Variants in RREB1 observed in about 807,000 individuals in gnomAD.
The protein encoded by RREB1 is ras-responsive element-binding protein 1.
Under a neutral mutation model 117.8 loss-of-function variants are expected in RREB1, and 27 were observed. The observed-to-expected ratio is 0.23, with a 90% confidence interval of 0.17 to 0.32. RREB1 has a LOEUF of 0.32. RREB1 is among the 10% of genes least tolerant of loss of function. The pLI is 1.00. For synonymous variants in RREB1, 1,298 were observed against 1,026.7 expected (o/e 1.26, Z -5.05); for missense variants, 2,577 against 2,378.2 (o/e 1.08, Z -1.74).
rs1420587358 is a variant in RREB1 at position 7,250,666 on chromosome 6, C to G, written c.*1698C>G. 1 of 152,132 alleles carries G rather than the reference C, an allele frequency of 6.6e-6. No homozygotes were observed. The highest frequency in any genetic ancestry group is 1.5e-5 in the Non-Finnish European group (1 of 68,040). The allele number at this position is 152,132 out of a possible 1,614,324, so 9.4% of individuals were successfully genotyped here. On this transcript the variant is annotated 3_prime_UTR_variant, in exon 13 of 13. Transcript: ENST00000379938. ...GGCCTTTTCTGGCCCCAGTGCTCCTCCTTTACATAGACTTGTTCACACAGA... is the reference window on the plus strand; with the variant it reads ...GGCCTTTTCTGGCCCCAGTGCTCCTGCTTTACATAGACTTGTTCACACAGA...
chr6:7,201,495 C>T (rs933933530), intron 6 of RREB1, among the ~76,000 whole-genome samples: 86 of 100,530 alleles, frequency 8.6e-4, no homozygotes, highest in African/African-American at 3.8e-3. Context: ...GCAACATTGT[C>T]CCCCCCCCCC....
chr6:7,159,763 T>C (rs1763557498), intron 1 of RREB1, among the ~76,000 whole-genome samples: 1 of 152,226 alleles, frequency 6.6e-6, no homozygotes, highest in South Asian at 2.1e-4. Context: ...AAAGTAGGAT[T>C]AAATCTGCTG....
chr6:7,240,284 G>GT (rs1035269766), intron 10 of RREB1, among the ~76,000 whole-genome samples, 154 bp from the exon 11 acceptor site: 80 of 145,520 alleles, frequency 5.5e-4, no homozygotes, highest in Middle Eastern at 7.1e-3. Context: ...GTCATTGATG[G>GT]TTTTTTTTTT....
At chr6:7,158,561 C>T (rs1042267503) in intron 1 of RREB1, among the ~76,000 whole-genome samples, 1 of 152,168 alleles carries the variant, frequency 6.6e-6, no homozygotes, top group African/African-American at 2.4e-5. Context: ...CCAGCCTCCA[C>T]CTCCATACCC....
chr6:7,215,855 T>C (rs1000736729), intron 8 of RREB1: 7 of 152,186 alleles, frequency 4.6e-5, no homozygotes, highest in African/African-American at 1.7e-4. Flanking sequence ...CCAGCCACAT[T>C]TCAGGTGCTT....
chr6:7,231,696 A>G lies in RREB1; in HGVS notation c.3597A>G (p.Thr1199=). ...DTNKFSPFLQ[T]AEDNTQDEVA... The stretch of plus-strand genomic sequence containing the variant: ...ACAAGTTCAGTCCGTTTCTGCAGAC[A>G]GCGGAGGACAACACTCAGGATGAGG... The change falls in exon 10 of 13, where the codon ACA becomes ACG. Residue 1199 remains threonine, a synonymous_variant. Coordinates refer to ENST00000379938, the MANE Select transcript of RREB1 (RefSeq NM_001003699.4). 1 of 1,612,968 alleles carries G rather than the reference A, an allele frequency of 6.2e-7. No homozygotes were observed. Among genetic ancestry groups the G allele is most frequent in the Non-Finnish European group, 8.5e-7 (1 of 1,179,342 alleles).
In RREB1 at chr6:7,229,363, G is replaced by A. The variant is rs766241536; in HGVS notation, c.1264G>A (p.Gly422Ser). 4.3e-6 allele frequency: 7 copies of A among 1,614,000 alleles called. No individual in the cohort carries two copies. Among genetic ancestry groups the A allele is most frequent in the Non-Finnish European group, 5.9e-6 (7 of 1,179,980 alleles). ...ACCTTTCGAAGCTGCTTCCCTAGGC[G>A]GTTCTCTCACAGTTCTCCCCGCGAC... ...LSPFEAASLG[G>S]SLTVLPATKD... Residue 422 changes from glycine (G) to serine (S), a missense_variant, in exon 10 of 13, where the codon GGT (glycine) becomes AGT (serine). Transcript: ENST00000379938. The surrounding 1 kb of genome is among the most constrained non-coding windows in gnomAD (Gnocchi z 4.5).
chr6:7,119,354 AAAAAG>A (rs1467447495), intron 1 of RREB1, among the ~76,000 whole-genome samples: 2 of 152,150 alleles, frequency 1.3e-5, no homozygotes, highest in African/African-American at 2.4e-5. Flanking sequence ...CATCTCAAAA[AAAAAG>A]AAAAGGACAC....
intron 1 of RREB1, among the ~76,000 whole-genome samples, chr6:7,130,447 C>T (rs1762104732): frequency 6.6e-6 from 1 of 152,118 alleles, no homozygotes; most frequent in South Asian, 2.1e-4. Flanking sequence ...TCTGATCCCA[C>T]TGTGTGGGCA....
At chr6:7,209,144 T>C (rs1766438562) in intron 6 of RREB1, among the ~76,000 whole-genome samples, 1 of 152,226 alleles carries the variant, frequency 6.6e-6, no homozygotes, top group African/African-American at 2.4e-5. Context: ...CTATAAATAT[T>C]GTGTCATATG....
At chr6:7,197,245 A>G (rs972482172) in intron 6 of RREB1, among the ~76,000 whole-genome samples, 2 of 152,222 alleles carry the variant, frequency 1.3e-5, no homozygotes, top group African/African-American at 4.8e-5. Context: ...ATAGGAAATT[A>G]ATTTTCACTT....
intron 1 of RREB1, among the ~76,000 whole-genome samples, chr6:7,167,349 A>AT (rs777728313): frequency 0.15 from 17,909 of 120,050 alleles, 1,796 homozygotes; most frequent in Non-Finnish European, 0.2. Context: ...CTGGGACAGG[A>AT]TTTTTTTTTT....
intron 8 of RREB1, among the ~76,000 whole-genome samples, chr6:7,224,076 T>C (rs1581563279): frequency 6.6e-6 from 1 of 152,150 alleles, no homozygotes; most frequent in Admixed American, 6.5e-5. Flanking sequence ...CTAGGTAAGA[T>C]ACCTGTGCAC....
intron 1 of RREB1, among the ~76,000 whole-genome samples, chr6:7,146,342 C>T (rs556528778): frequency 7.3e-5 from 11 of 151,416 alleles, no homozygotes; most frequent in African/African-American, 2.2e-4. Flanking sequence ...TCTGTGGGAC[C>T]GGGGGTAGAT....
At chr6:7,186,107 G>A (rs1290972519) in intron 4 of RREB1, among the ~76,000 whole-genome samples, 4 of 152,180 alleles carry the variant, frequency 2.6e-5, no homozygotes, top group Non-Finnish European at 1.5e-5. Context: ...AAAGATGCCC[G>A]AGGATAGGAA....
chr6:7,245,036 C>G (rs989949701), intron 11 of RREB1, among the ~76,000 whole-genome samples: 4 of 152,216 alleles, frequency 2.6e-5, no homozygotes, highest in African/African-American at 4.8e-5. Context: ...GCATCTCGTA[C>G]TTGTGCCATA....
intron 1 of RREB1, among the ~76,000 whole-genome samples, chr6:7,173,802 A>C (rs1439164814): frequency 6.6e-6 from 1 of 152,100 alleles, no homozygotes; most frequent in Non-Finnish European, 1.5e-5. Flanking sequence ...AAAGGGAAAG[A>C]AAGAAAAAAA....
rs143874633 is a variant in RREB1, at chr6:7,231,290, C to T, written c.3191C>T (p.Pro1064Leu). 5.0e-4 allele frequency: 803 copies of T among 1,609,014 alleles called. 2 individuals carry two copies. Among genetic ancestry groups the T allele is most frequent in the Admixed American group, 1.2e-3 (72 of 59,736 alleles). The change falls in exon 10 of 13, where the codon CCG becomes CTG. Residue 1064 changes from proline (P) to leucine (L), a missense_variant. Transcript: ENST00000379938. ...CCCCCCGTGACAGAAGAGCTGCCCCCGCTGGCCTCCATTGCCCAGATCATC... is the reference window on the plus strand; with the variant it reads ...CCCCCCGTGACAGAAGAGCTGCCCCTGCTGGCCTCCATTGCCCAGATCATC... ...PKPPVTEELP[P>L]LASIAQIISS... is the part of the protein sequence containing the mutation.
At chr6:7,171,973 T>C (rs1024492897) in intron 1 of RREB1, among the ~76,000 whole-genome samples, 5 of 150,218 alleles carry the variant, frequency 3.3e-5, no homozygotes, top group Non-Finnish European at 5.9e-5. Context: ...GGAGATAAAG[T>C]CTGGCCCTGT....
Sources: gnomAD v4.1 joint callset for allele counts (sites outside exome capture counted in the v4.1 genomes callset) on GRCh38, gnomAD v4.1.1 for gene constraint, Gnocchi (gnomAD v3.1) non-coding constraint, MANE v1.5 for transcripts, NCBI Gene and HGNC (gene_info 2026-07-23, HGNC 2026-07-21) for gene names.